DYRK1A: variants seen among roughly 807,000 people sequenced by gnomAD.
DYRK1A encodes dual specificity tyrosine phosphorylation regulated kinase 1A.
DYRK1A carries 9 observed loss-of-function variants against 79.7 expected under a neutral mutation model. The observed-to-expected ratio is 0.11, with a 90% CI of 0.07 to 0.20. The LOEUF (loss-of-function observed/expected upper bound fraction) is 0.20. DYRK1A is among the 10% of genes least tolerant of loss of function. DYRK1A has a pLI of 1.00. For missense variants in DYRK1A, 622 were observed against 956.0 expected (o/e 0.65, Z 4.61); for synonymous variants, 349 against 329.7 (o/e 1.06, Z -0.63).
chr21:37,468,772 T>G (rs1367731101), intron 2 of DYRK1A, among the ~76,000 whole-genome samples: 1 of 152,182 alleles, frequency 6.6e-6, no homozygotes, highest in Non-Finnish European at 1.5e-5. Context: ...TAATAGATTT[T>G]TTTCATGACT....
At chr21:37,452,639 C>CT (rs2051491677) in intron 2 of DYRK1A, among the ~76,000 whole-genome samples, 1 of 151,924 alleles carries the variant, frequency 6.6e-6, no homozygotes, top group African/African-American at 2.4e-5. Flanking sequence ...CCTTCCCTGT[C>CT]ATAGGAGATG....
chr21:37,453,123 A>G (rs1484617667), intron 2 of DYRK1A, among the ~76,000 whole-genome samples: 2 of 152,202 alleles, frequency 1.3e-5, no homozygotes, highest in African/African-American at 2.4e-5. Context: ...TTAAAAAGAA[A>G]AAAGTACAAA....
At chr21:37,438,524 G>A (rs1472444326) in intron 2 of DYRK1A, among the ~76,000 whole-genome samples, 1 of 152,020 alleles carries the variant, frequency 6.6e-6, no homozygotes, top group African/African-American at 2.4e-5. Flanking sequence ...ATAGATCAAA[G>A]ATCACTTTTT....
chr21:37,373,822 C>T (rs1224539437), intron 1 of DYRK1A, among the ~76,000 whole-genome samples: 2 of 152,190 alleles, frequency 1.3e-5, no homozygotes, highest in Non-Finnish European at 2.9e-5. Flanking sequence ...AAATTTGGGT[C>T]TACTGAAGAA....
intron 1 of DYRK1A, among the ~76,000 whole-genome samples, chr21:37,402,237 A>G (rs1237447006): frequency 6.6e-6 from 1 of 152,196 alleles, no homozygotes; most frequent in Non-Finnish European, 1.5e-5. Flanking sequence ...TCCATTTGGT[A>G]TCAGTTTTCT....
chr21:37,497,385 C>T (rs1981812373), intron 9 of DYRK1A, among the ~76,000 whole-genome samples: 1 of 152,130 alleles, frequency 6.6e-6, no homozygotes. Context: ...TATGCCTATT[C>T]CCCATAAGGA....
chr21:37,483,969 G>A (rs2148592494), intron 5 of DYRK1A, among the ~76,000 whole-genome samples: 1 of 152,262 alleles, frequency 6.6e-6, no homozygotes, highest in South Asian at 2.1e-4. Context: ...GTGAGGCCCA[G>A]TCCTTAACTA....
chr21:37,380,119 C>G (rs1602366792), intron 1 of DYRK1A, among the ~76,000 whole-genome samples: 1 of 152,066 alleles, frequency 6.6e-6, no homozygotes, highest in Non-Finnish European at 1.5e-5. Flanking sequence ...ATTTTAGAGT[C>G]CTTTTAACAG....
intron 1 of DYRK1A, among the ~76,000 whole-genome samples, chr21:37,383,837 A>G (rs34680041): frequency 0.056 from 8,292 of 148,460 alleles, 246 homozygotes; most frequent in Middle Eastern, 0.12. Flanking sequence ...GTAATGGTGT[A>G]TGTGTGTGTG....
rs749498616 is a variant in DYRK1A at position 37,395,443 on chromosome 21, G to A, written c.-76-24856G>A. The stretch of plus-strand genomic sequence containing the variant: ...CCTCACCTCATTGTTCTTCGGAGGG[G>A]GATGGAAAATCTTAGATGTTAATCA... On this transcript the variant is annotated intron_variant, in intron 1 of 11. Coordinates refer to ENST00000647188, the MANE Select transcript of DYRK1A (RefSeq NM_001347721.2). 5.9e-5 allele frequency among the ~76,000 whole-genome samples: 9 copies of A among 152,170 alleles called. No homozygotes were observed. The East Asian group carries it at 1.7e-3, about 29-fold the overall frequency.
intron 11 of DYRK1A, among the ~76,000 whole-genome samples, chr21:37,509,985 CAGTAG>C (rs1345846156): frequency 6.6e-6 from 1 of 152,180 alleles, no homozygotes; most frequent in African/African-American, 2.4e-5. Context: ...CATGTCCACA[CAGTAG>C]ATAAGTTACT....
At chr21:37,490,485 G>T in intron 7 of DYRK1A, 24 bp downstream of exon 7, 1 of 1,591,608 alleles carries the variant, frequency 6.3e-7, no homozygotes, top group South Asian at 1.1e-5. Context: ...CAGAACTTGT[G>T]AATTAAATAG....
intron 1 of DYRK1A, among the ~76,000 whole-genome samples, chr21:37,412,558 G>T (rs1436449209): frequency 6.6e-6 from 1 of 152,258 alleles, no homozygotes; most frequent in African/African-American, 2.4e-5. Context: ...ATAACCATCA[G>T]GCCTAGGAGA....
chr21:37,493,491 A>G (rs1366735330), intron 8 of DYRK1A, among the ~76,000 whole-genome samples: 2 of 152,236 alleles, frequency 1.3e-5, no homozygotes, highest in Non-Finnish European at 2.9e-5. Flanking sequence ...GAGTGATACA[A>G]ACATCACTCT....
At chr21:37,466,649 T>G (rs765582490) in intron 2 of DYRK1A, among the ~76,000 whole-genome samples, 21 of 152,148 alleles carry the variant, frequency 1.4e-4, no homozygotes, top group Non-Finnish European at 2.5e-4. Context: ...AAAGCTTTAC[T>G]AGAAATAAAG....
At position 37,470,853 on chromosome 21, in the gene DYRK1A, AGAATT is replaced by A. The variant is rs151041658; in HGVS notation, c.11-1821_11-1817del. Among the ~76,000 whole-genome samples, 138 of 152,380 alleles carry A rather than the reference AGAATT, an allele frequency of 9.1e-4. 1 individual carries two copies. The East Asian group carries it at 0.021, about 23-fold the overall frequency. ...TAAAAAGTGAACAAGGTTGTTTTACAGAATTGAATTGAATGAAAGTATTTTTGACT... is the reference window on the plus strand; with the variant it reads ...TAAAAAGTGAACAAGGTTGTTTTACAGAATTGAATGAAAGTATTTTTGACT... On this transcript the variant is annotated intron_variant, in intron 2 of 11. Coordinates refer to ENST00000647188, the MANE Select transcript of DYRK1A (RefSeq NM_001347721.2).
chr21:37,419,057 G>A (rs1275001397), intron 1 of DYRK1A: 1 of 152,146 alleles, frequency 6.6e-6, no homozygotes, highest in Non-Finnish European at 1.5e-5. Context: ...GAGGCAATAA[G>A]TATAGACTCA....
chr21:37,519,059 TAC>T lies in DYRK1A; in HGVS notation c.*6532_*6533del, dbSNP rs1001072070. 1 of 152,220 alleles carries T rather than the reference TAC, an allele frequency of 6.6e-6. No homozygotes were observed. Among genetic ancestry groups the T allele is most frequent in the African/African-American group, 2.4e-5 (1 of 41,466 alleles). 9.4% of individuals were successfully genotyped at this position (152,220 alleles called of 1,614,324 possible). A position where few individuals can be genotyped will look rare whatever the true frequency, so the allele number is the denominator to read the frequency against. ...TTGCCAGATGTAAGTATATAAAACT[TAC>T]ACAGTTTGTTCCTTTTTGTTGTCTT... is the stretch of plus-strand genomic sequence containing the variant. On this transcript the variant is annotated 3_prime_UTR_variant, in exon 12 of 12. Coordinates refer to ENST00000647188, the MANE Select transcript of DYRK1A (RefSeq NM_001347721.2).
At chr21:37,390,950 T>G (rs2049858799) in intron 1 of DYRK1A, among the ~76,000 whole-genome samples, 1 of 152,196 alleles carries the variant, frequency 6.6e-6, no homozygotes, top group Admixed American at 6.5e-5. Flanking sequence ...TTTTGAGGAA[T>G]ACAGACCAGT....
Sources: gnomAD v4.1 joint callset for allele counts (sites outside exome capture counted in the v4.1 genomes callset) on GRCh38, gnomAD v4.1.1 for gene constraint, MANE v1.5 for transcripts, NCBI Gene and HGNC (gene_info 2026-07-23, HGNC 2026-07-21) for gene names.